Variants in MYO3B observed in about 807,000 individuals in gnomAD.
The protein encoded by MYO3B is myosin-IIIb.
A neutral mutation model predicts 174.6 loss-of-function variants in MYO3B; 156 were observed. That is an observed-to-expected ratio of 0.89 (90% CI 0.78 to 1.02). The LOEUF is 1.02. Ranked by LOEUF, MYO3B falls within the 50% of genes least tolerant of loss-of-function variation. The pLI, the probability that MYO3B is intolerant of heterozygous loss-of-function variation, is 0.00. For missense variants in MYO3B, 1,632 were observed against 1,639.4 expected, an observed-to-expected ratio of 1.00 and a Z score of 0.08; for synonymous variants, 563 against 569.1, an observed-to-expected ratio of 0.99 and a Z score of 0.15.
rs116510432 is a variant in MYO3B at position 170,639,201 on chromosome 2, C to T, written c.3734-12427C>T. Among the ~76,000 whole-genome samples the T allele has an allele frequency of 5.1e-3, 782 of 152,312 alleles. 2 individuals carry two copies. Among genetic ancestry groups the T allele is most frequent in the Non-Finnish European group, 8.6e-3 (586 of 68,034 alleles). On this transcript the variant is annotated intron_variant, in intron 32 of 34. Transcript: ENST00000408978. ...TTACCCAGGACATTGTTTCCCAGCTCCCCAGTAGTTCACTAGGTGATTTGC... is the reference window on the plus strand; with the variant it reads ...TTACCCAGGACATTGTTTCCCAGCTTCCCAGTAGTTCACTAGGTGATTTGC...
At chr2:170,388,781 A>G (rs151334733) in intron 14 of MYO3B, among the ~76,000 whole-genome samples, 18 of 152,360 alleles carry the variant, frequency 1.2e-4, no homozygotes, top group East Asian at 3.9e-4. Context: ...CTGTGCAAGT[A>G]GAATTTACAG....
intron 32 of MYO3B, among the ~76,000 whole-genome samples, chr2:170,632,074 C>T (rs566393586): frequency 9.6e-5 from 14 of 146,174 alleles, no homozygotes; most frequent in Admixed American, 2.8e-4. Flanking sequence ...ATTAGATCAA[C>T]GAGACAGAAG....
intron 32 of MYO3B, among the ~76,000 whole-genome samples, chr2:170,553,830 G>A (rs2106233830): frequency 6.6e-6 from 1 of 152,284 alleles, no homozygotes; most frequent in African/African-American, 2.4e-5. Flanking sequence ...GATCATGGGG[G>A]CGGATTTCCC....
intron 32 of MYO3B, among the ~76,000 whole-genome samples, chr2:170,558,236 G>A (rs1691466561): frequency 6.6e-6 from 1 of 151,806 alleles, no homozygotes; most frequent in African/African-American, 2.4e-5. Flanking sequence ...GGGAGGCGGA[G>A]CTTGCGGTGA....
At chr2:170,538,319 G>A (rs187950182) in intron 30 of MYO3B, among the ~76,000 whole-genome samples, 65 of 152,230 alleles carry the variant, frequency 4.3e-4, no homozygotes, top group Admixed American at 1.3e-4. Context: ...AATCACACTC[G>A]CATTGTACAT....
At chr2:170,540,647 G>C (rs114384594) in intron 30 of MYO3B, among the ~76,000 whole-genome samples, 1 of 144,068 alleles carries the variant, frequency 6.9e-6, no homozygotes, top group African/African-American at 2.5e-5. Context: ...ATGTCCCTAA[G>C]GCAAAAACAA....
intron 3 of MYO3B, 66 bp downstream of exon 3, chr2:170,200,350 T>G: frequency 1.3e-6 from 2 of 1,558,334 alleles, no homozygotes; most frequent in Non-Finnish European, 1.7e-6. Flanking sequence ...GATGCTTTAT[T>G]ACCTAGAGGG....
intron 30 of MYO3B, among the ~76,000 whole-genome samples, chr2:170,535,534 T>C (rs1043606444): frequency 6.6e-6 from 1 of 152,184 alleles, no homozygotes; most frequent in African/African-American, 2.4e-5. Flanking sequence ...AATTGTGTGA[T>C]TATCTGGAAG....
chr2:170,599,994 A>G (rs1694408818), intron 32 of MYO3B, among the ~76,000 whole-genome samples: 1 of 152,090 alleles, frequency 6.6e-6, no homozygotes, highest in African/African-American at 2.4e-5. Context: ...ATTGTTGATT[A>G]TTTTCCCTTC....
At chr2:170,462,972 T>C (rs1227284854) in intron 23 of MYO3B, among the ~76,000 whole-genome samples, 1 of 152,228 alleles carries the variant, frequency 6.6e-6, no homozygotes, top group Non-Finnish European at 1.5e-5. Context: ...TAATTCCCTG[T>C]GGTACAACCT....
chr2:170,356,869 C>A (rs1335110763), intron 8 of MYO3B, among the ~76,000 whole-genome samples: 2 of 152,116 alleles, frequency 1.3e-5, no homozygotes, highest in Non-Finnish European at 2.9e-5. Context: ...CCTCAACCTC[C>A]TGGGCTCAAG....
At chr2:170,224,233 A>T (rs1219946537) in intron 6 of MYO3B, among the ~76,000 whole-genome samples, 1 of 152,178 alleles carries the variant, frequency 6.6e-6, no homozygotes, top group East Asian at 1.9e-4. Context: ...TCAATAGTGG[A>T]TGTTATTTTC....
chr2:170,559,462 T>G (rs1168852557), intron 32 of MYO3B, among the ~76,000 whole-genome samples: 1 of 152,136 alleles, frequency 6.6e-6, no homozygotes, highest in Non-Finnish European at 1.5e-5. Context: ...GGCCAAAAGA[T>G]CAGAGAGCAA....
intron 23 of MYO3B, among the ~76,000 whole-genome samples, chr2:170,460,061 G>A (rs1684169897): frequency 6.6e-6 from 1 of 152,146 alleles, no homozygotes; most frequent in African/African-American, 2.4e-5. Context: ...CCAGCCCAGA[G>A]AGGGGCTCCC....
At chr2:170,504,354 C>T (rs781354930) in intron 28 of MYO3B, among the ~76,000 whole-genome samples, 6 of 152,168 alleles carry the variant, frequency 3.9e-5, no homozygotes, top group South Asian at 2.1e-4. Context: ...TTTAAAAGAG[C>T]GGCCCTTGAA....
chr2:170,283,591 T>C (rs1310591468), intron 7 of MYO3B, among the ~76,000 whole-genome samples: 1 of 152,166 alleles, frequency 6.6e-6, no homozygotes, highest in African/African-American at 2.4e-5. Context: ...ACCTTTTTGG[T>C]CTTTTGGTCC....
chr2:170,354,190 C>A (rs945659556), intron 8 of MYO3B, among the ~76,000 whole-genome samples: 10 of 152,208 alleles, frequency 6.6e-5, no homozygotes, highest in African/African-American at 2.2e-4. Context: ...TGGAAGAGAT[C>A]CAAGAAGTGC....
chr2:170,529,138 A>G (rs1325646337), intron 30 of MYO3B, among the ~76,000 whole-genome samples: 1 of 152,072 alleles, frequency 6.6e-6, no homozygotes, highest in East Asian at 1.9e-4. Context: ...TACTTTTTCT[A>G]AAGAACTCTC....
At chr2:170,384,043 G>T in intron 12 of MYO3B, 1 of 424,560 alleles carries the variant, frequency 2.4e-6, no homozygotes, top group South Asian at 4.5e-5. Flanking sequence ...CATGAGGTGC[G>T]CTCATTTTCT....
Sources: gnomAD v4.1 joint callset for allele counts (sites outside exome capture counted in the v4.1 genomes callset) on GRCh38, gnomAD v4.1.1 for gene constraint, MANE v1.5 for transcripts, NCBI Gene and HGNC (gene_info 2026-07-23, HGNC 2026-07-21) for gene names.